The following ANKHD1 variants were observed in gnomAD, a reference collection of about 807,000 sequenced individuals.
The protein encoded by ANKHD1 is ankyrin repeat and KH domain containing 1.
Under a neutral mutation model 230.5 loss-of-function variants are expected in ANKHD1, and 31 were observed. The ratio of observed to expected loss-of-function variants is 0.13; its 90% confidence interval spans 0.10 to 0.18. The LOEUF (loss-of-function observed/expected upper bound fraction) is 0.18, where lower values mean the gene tolerates loss of function less well. Among genes scored for constraint, ANKHD1 ranks in the 10% least tolerant of loss-of-function variants. The probability of loss-of-function intolerance (pLI) is 1.00; values close to 1 mark genes in which losing one functional copy is unlikely to be tolerated. For missense variants in ANKHD1, 2,256 were observed against 3,071.3 expected, an observed-to-expected ratio of 0.73 and a Z score of 6.27; for synonymous variants, 1,074 against 1,117.6, an observed-to-expected ratio of 0.96 and a Z score of 0.78.
chr5:140,462,169 C>CT (rs1012056714), intron 9 of ANKHD1, among the ~76,000 whole-genome samples: 143 of 144,604 alleles, frequency 9.9e-4, no homozygotes, highest in East Asian at 5.5e-3. Flanking sequence ...AGGTTTGATT[C>CT]TTTTTTTTTT....
Position 140,535,348 on chromosome 5 carries a change from C to T in ANKHD1, c.6851-14C>T. On this transcript the variant is annotated splice_polypyrimidine_tract_variant and intron_variant, in intron 29 of 33. Coordinates refer to ENST00000360839, the MANE Select transcript of ANKHD1 (RefSeq NM_017747.3). ...TTTTAGCTAATTGGATGTCTTGGAC[C>T]TGTTTTATTTCAGGGTTACCATCCA... is the stretch of plus-strand genomic sequence containing the variant. 6.4e-7 allele frequency: 1 copy of T among 1,569,622 alleles called. No homozygotes were observed. The highest frequency in any genetic ancestry group is 8.6e-7 in the Non-Finnish European group (1 of 1,162,520).
chr5:140,472,020 T>C (rs568616452), intron 10 of ANKHD1, among the ~76,000 whole-genome samples: 23 of 152,200 alleles, frequency 1.5e-4, no homozygotes, highest in Non-Finnish European at 3.1e-4. Context: ...TTAAGATTTA[T>C]ATTGAAGTTT....
rs1232123663 is a variant in ANKHD1, at chr5:140,457,109, C to A, written c.1243-1516C>A. Among the ~76,000 whole-genome samples the A allele has an allele frequency of 2.6e-5, 4 of 152,030 alleles. No individual in the cohort carries two copies. The South Asian group carries it at 6.2e-4, about 24-fold the overall frequency. On this transcript the variant is annotated intron_variant, in intron 7 of 33. Coordinates refer to ENST00000360839, the MANE Select transcript of ANKHD1 (RefSeq NM_017747.3). Reference sequence around the variant, plus strand: ...CCAACAGACACATGAAAAAATGCTCCTCATCACTGGCCATCAGAGAAATGC... The same window carrying A: ...CCAACAGACACATGAAAAAATGCTCATCATCACTGGCCATCAGAGAAATGC...
intron 10 of ANKHD1, among the ~76,000 whole-genome samples, chr5:140,468,821 A>G (rs1776290711): frequency 6.6e-6 from 1 of 152,218 alleles, no homozygotes; most frequent in Non-Finnish European, 1.5e-5. Context: ...AAATATTACA[A>G]ATGGTGCTGC....
intron 21 of ANKHD1, 26 bp from the exon 22 acceptor site, chr5:140,509,993 A>G: frequency 6.3e-6 from 10 of 1,577,378 alleles, no homozygotes; most frequent in Non-Finnish European, 7.7e-6. Flanking sequence ...TACAGGAAAC[A>G]AACTATTAAT....
intron 1 of ANKHD1, among the ~76,000 whole-genome samples, chr5:140,408,966 G>A (rs1770705280): frequency 6.6e-6 from 1 of 152,140 alleles, no homozygotes. Context: ...ATTCTTTGTT[G>A]TGAGGGGCTC....
chr5:140,476,223 G>T (rs1750959724), intron 10 of ANKHD1, among the ~76,000 whole-genome samples: 1 of 151,906 alleles, frequency 6.6e-6, no homozygotes, highest in Admixed American at 6.6e-5. Context: ...ATATGAAAAA[G>T]AAATTGAGAG....
At chr5:140,427,508 G>A (rs1772583683) in intron 1 of ANKHD1, among the ~76,000 whole-genome samples, 1 of 126,172 alleles carries the variant, frequency 7.9e-6, no homozygotes, top group African/African-American at 3.1e-5. Context: ...GGGCAGAGGC[G>A]CCCCTCACCT....
chr5:140,497,276 C>T lies in ANKHD1; in HGVS notation c.3002C>T (p.Ala1001Val), dbSNP rs1284194985. The T allele has an allele frequency of 6.3e-7, 1 of 1,597,520 alleles. No homozygotes were observed. Among genetic ancestry groups the T allele is most frequent in the Non-Finnish European group, 8.5e-7 (1 of 1,177,498 alleles). ...ACCGACACTCTTGATGACCTGATAG[C>T]AGGTGGGTTAAGAAATATATCTGTA... is the stretch of plus-strand genomic sequence containing the variant. ...TLTDTLDDLI[A>V]AVSTRVPTGS... is the part of the protein sequence containing the mutation. The change falls in exon 15 of 34, where the codon GCA (alanine) becomes GTA (valine). Residue 1001 changes from alanine to valine, a missense_variant and splice_region_variant. Physicochemically the swap from Ala to Val is moderately conservative, Grantham distance 64 (BLOSUM62 0). Coordinates refer to ENST00000360839, the MANE Select transcript of ANKHD1 (RefSeq NM_017747.3).
intron 22 of ANKHD1, 125 bp downstream of exon 22, chr5:140,510,306 A>ATTAT: frequency 1.6e-5 from 14 of 864,458 alleles, no homozygotes; most frequent in Non-Finnish European, 2.1e-5. Flanking sequence ...CTATCTTTCC[A>ATTAT]TTCTTTTTTT....
intron 1 of ANKHD1, among the ~76,000 whole-genome samples, chr5:140,414,561 G>C (rs1771199975): frequency 6.6e-6 from 1 of 152,198 alleles, no homozygotes; most frequent in South Asian, 2.1e-4. Context: ...ATTAGGCACA[G>C]TGGCTCACGC....
chr5:140,494,526 A>T (rs1164413952), intron 14 of ANKHD1, among the ~76,000 whole-genome samples: 1 of 152,184 alleles, frequency 6.6e-6, no homozygotes, highest in Non-Finnish European at 1.5e-5. Context: ...GATTGCAGTG[A>T]TATTGAAATT....
chr5:140,537,337 G>T, intron 30 of ANKHD1, 52 bp from the exon 31 acceptor site: 1 of 1,567,722 alleles, frequency 6.4e-7, no homozygotes, highest in South Asian at 1.2e-5. Flanking sequence ...TTTGCCACCA[G>T]GTGACTCTCC....
chr5:140,415,477 C>T (rs1442615999), intron 1 of ANKHD1, among the ~76,000 whole-genome samples: 14 of 132,490 alleles, frequency 1.1e-4, no homozygotes, highest in South Asian at 2.4e-4. Flanking sequence ...CTTGCTCTGT[C>T]GCCCAGGCTG....
chr5:140,487,149 G>GC, intron 14 of ANKHD1, 89 bp downstream of exon 14: 1 of 1,316,228 alleles, frequency 7.6e-7, no homozygotes, highest in Non-Finnish European at 1.0e-6. Context: ...CAGAGTTACT[G>GC]TGTACCCATG....
intron 7 of ANKHD1, among the ~76,000 whole-genome samples, chr5:140,455,319 A>C (rs1464199042): frequency 2.0e-5 from 3 of 152,310 alleles, no homozygotes; most frequent in African/African-American, 7.2e-5. Context: ...TTTTGAAACT[A>C]TTCCAATCAA....
chr5:140,519,723 A>G (rs946369863), intron 24 of ANKHD1, among the ~76,000 whole-genome samples: 5 of 152,218 alleles, frequency 3.3e-5, no homozygotes, highest in African/African-American at 4.8e-5. Context: ...CTGGCTAGCC[A>G]TATGTAGAAA....
intron 1 of ANKHD1, among the ~76,000 whole-genome samples, chr5:140,409,149 A>G (rs1426001688): frequency 1.3e-5 from 2 of 152,120 alleles, no homozygotes; most frequent in East Asian, 1.9e-4. Flanking sequence ...GTTTTGTTAT[A>G]CTCTGTATTC....
At chr5:140,499,490 A>G (rs1396506148) in intron 15 of ANKHD1, among the ~76,000 whole-genome samples, 1 of 152,188 alleles carries the variant, frequency 6.6e-6, no homozygotes, top group African/African-American at 2.4e-5. Flanking sequence ...AGAATTTTAG[A>G]TGTATGATAA....
Sources: allele counts gnomAD v4.1 joint callset (sites outside exome capture counted in the v4.1 genomes callset), GRCh38; gene constraint gnomAD v4.1.1; transcripts MANE v1.5; gene names NCBI Gene and HGNC (gene_info 2026-07-23, HGNC 2026-07-21).